PIP4P2: variants seen among roughly 807,000 people sequenced by gnomAD.
PIP4P2 encodes phosphatidylinositol-4,5-bisphosphate 4-phosphatase 2.
Under a neutral mutation model 33.3 loss-of-function variants are expected in PIP4P2, and 19 were observed. The observed-to-expected ratio is 0.57, with a 90% CI of 0.40 to 0.84. PIP4P2 has a LOEUF of 0.84. Ranked by LOEUF, PIP4P2 falls within the 40% of genes least tolerant of loss-of-function variation. PIP4P2 has a pLI of 0.00. For synonymous variants in PIP4P2, 110 were observed against 111.9 expected (o/e 0.98, Z 0.11); for missense variants, 270 against 324.7 (o/e 0.83, Z 1.29).
chr8:91,011,265 C>T (rs980444091), intron 4 of PIP4P2, among the ~76,000 whole-genome samples: 1 of 152,008 alleles, frequency 6.6e-6, no homozygotes, highest in Non-Finnish European at 1.5e-5. Flanking sequence ...CAACAACCCT[C>T]AGTCAATGTT....
At position 91,020,231 on chromosome 8, in the gene PIP4P2, A is replaced by T. The variant is rs770236242; in HGVS notation, c.288T>A (p.Tyr96Ter). ...GAAGACAATTACAAGGGCATCTAAC[A>T]TATTTCTTGCCTGTTGGGGGGTTTT... ...PIKNPPTGKK[Y>*]VRCPCNCLLI... The change falls in exon 3 of 7, where the codon TAT (tyrosine) becomes TAA (stop). Residue 96 changes from tyrosine (Y) to a stop codon, truncating the protein, a stop_gained. Transcript: ENST00000285419. LOFTEE classifies it high-confidence loss of function. The T allele has an allele frequency of 1.2e-6, 2 of 1,613,682 alleles. No individual in the cohort carries two copies. The highest frequency in any genetic ancestry group is 1.3e-5 in the African/African-American group (1 of 74,914).
intron 4 of PIP4P2, among the ~76,000 whole-genome samples, chr8:91,014,386 A>G (rs763808982): frequency 1.8e-4 from 28 of 152,206 alleles, no homozygotes; most frequent in Non-Finnish European, 3.1e-4. Context: ...ATTGTGGTAT[A>G]TGCATACAAT....
chr8:91,013,991 C>T (rs977467167), intron 4 of PIP4P2, among the ~76,000 whole-genome samples: 8 of 152,152 alleles, frequency 5.3e-5, no homozygotes, highest in Non-Finnish European at 1.2e-4. Flanking sequence ...TGGTTAAATA[C>T]AGTAAATTGA....
intron 1 of PIP4P2, among the ~76,000 whole-genome samples, chr8:91,027,320 C>T (rs1812097435): frequency 6.6e-6 from 1 of 152,232 alleles, no homozygotes; most frequent in African/African-American, 2.4e-5. Flanking sequence ...TGAACCTCCA[C>T]TGCAAGTGGA....
rs534706883 is a variant in PIP4P2 at position 91,013,006 on chromosome 8, T to C, written c.487-4211A>G. On this transcript the variant is annotated intron_variant, in intron 4 of 6. Coordinates refer to ENST00000285419, the MANE Select transcript of PIP4P2 (RefSeq NM_018710.3). The stretch of plus-strand genomic sequence containing the variant: ...TCTCCTCATTCCCTTTTCTACCCTA[T>C]TAGTACAGTCAATTCTCTCTCAAAT... Among the ~76,000 whole-genome samples, 28 of 152,284 alleles carry C rather than the reference T, an allele frequency of 1.8e-4. No individual in the cohort carries two copies. In the South Asian group the frequency reaches 5.8e-3, roughly 32 times the overall value.
rs1812255872 is a variant in PIP4P2, at chr8:91,038,094, G to A, written c.106+2550C>T. Among the ~76,000 whole-genome samples, 4 of 152,140 alleles carry A rather than the reference G, an allele frequency of 2.6e-5. No homozygotes were observed. In the South Asian group the frequency reaches 8.3e-4, roughly 31 times the overall value. Reference sequence around the variant, plus strand: ...CATGCTCCACTTAGAAACCAACATGGATTGTTACACAGACCACACATGATT... The same window carrying A: ...CATGCTCCACTTAGAAACCAACATGAATTGTTACACAGACCACACATGATT... On this transcript the variant is annotated intron_variant, in intron 1 of 6. Coordinates refer to ENST00000285419, the MANE Select transcript of PIP4P2 (RefSeq NM_018710.3).
chr8:91,012,557 A>G (rs1811853371), intron 4 of PIP4P2, among the ~76,000 whole-genome samples: 1 of 152,150 alleles, frequency 6.6e-6, no homozygotes, highest in South Asian at 2.1e-4. Context: ...AGGTGTATAC[A>G]GTGTTCCCCT....
chr8:91,018,047 T>C (rs1185683707), intron 4 of PIP4P2, among the ~76,000 whole-genome samples: 1 of 152,190 alleles, frequency 6.6e-6, no homozygotes, highest in Non-Finnish European at 1.5e-5. Flanking sequence ...CTGCATGAGA[T>C]TGTGCACTTT....
At chr8:91,008,327 A>T (rs1811788827) in intron 5 of PIP4P2, among the ~76,000 whole-genome samples, 1 of 152,220 alleles carries the variant, frequency 6.6e-6, no homozygotes, top group African/African-American at 2.4e-5. Flanking sequence ...TGCTGCTATC[A>T]GTAATAATCT....
At chr8:91,032,977 C>G (rs1214195887) in intron 1 of PIP4P2, among the ~76,000 whole-genome samples, 1 of 152,066 alleles carries the variant, frequency 6.6e-6, no homozygotes, top group Non-Finnish European at 1.5e-5. Flanking sequence ...ATCCATCTAG[C>G]TAACATTTGT....
At chr8:91,023,002 T>G (rs567577514) in intron 1 of PIP4P2, among the ~76,000 whole-genome samples, 1 of 152,246 alleles carries the variant, frequency 6.6e-6, no homozygotes, top group East Asian at 1.9e-4. Flanking sequence ...TTGAGCGTGA[T>G]CCAGAGTGAC....
chr8:91,014,995 A>G (rs1326738569), intron 4 of PIP4P2, among the ~76,000 whole-genome samples: 1 of 152,130 alleles, frequency 6.6e-6, no homozygotes, highest in East Asian at 1.9e-4. Context: ...CCCTTCCCCA[A>G]TATATTAAGA....
Position 91,018,422 on chromosome 8 carries a change from C to A in PIP4P2, c.454G>T (p.Val152Phe). ...GTGTTTCCACAGTGCCCACACACGA[C>A]CCTTGTACCTTCTGGTTGGATTGGC... ...ALPIQPEGTR[V>F]VCGHCGNTFL... is the part of the protein sequence containing the mutation. Residue 152 changes from valine to phenylalanine, a missense_variant, in exon 4 of 7, where the codon GTC (valine) becomes TTC (phenylalanine). Physicochemically the swap from Val to Phe is conservative, Grantham distance 50 (BLOSUM62 -1). Transcript: ENST00000285419. The A allele has an allele frequency of 5.0e-6, 8 of 1,614,034 alleles. No individual in the cohort carries two copies. The highest frequency in any genetic ancestry group is 5.9e-6 in the Non-Finnish European group (7 of 1,179,942).
At chr8:91,037,362 T>C (rs1025990650) in intron 1 of PIP4P2, among the ~76,000 whole-genome samples, 1 of 152,218 alleles carries the variant, frequency 6.6e-6, no homozygotes, top group Non-Finnish European at 1.5e-5. Flanking sequence ...CTGCTTTCTT[T>C]GCCTATAATG....
At chr8:91,015,560 T>C (rs1811903494) in intron 4 of PIP4P2, among the ~76,000 whole-genome samples, 1 of 152,190 alleles carries the variant, frequency 6.6e-6, no homozygotes, top group Non-Finnish European at 1.5e-5. Context: ...AGAAAGATGT[T>C]TGAAATGCTT....
At chr8:91,029,281 ACT>A (rs568492884) in intron 1 of PIP4P2, among the ~76,000 whole-genome samples, 93 of 151,858 alleles carry the variant, frequency 6.1e-4, no homozygotes, top group Non-Finnish European at 1.1e-3. Context: ...ACAGAGTGAG[ACT>A]CTGTCTCAAA....
intron 5 of PIP4P2, among the ~76,000 whole-genome samples, chr8:91,008,087 TA>T (rs1811786117): frequency 6.6e-6 from 1 of 152,206 alleles, no homozygotes; most frequent in South Asian, 2.1e-4. Context: ...TTTGCTATAA[TA>T]AATCATACCT....
intron 5 of PIP4P2, among the ~76,000 whole-genome samples, chr8:91,000,559 G>C (rs1363085548): frequency 1.3e-5 from 2 of 151,778 alleles, no homozygotes; most frequent in Non-Finnish European, 2.9e-5. Context: ...ATTTCTCTTA[G>C]TATTTTTGAT....
chr8:91,004,343 A>G (rs1346438890), intron 5 of PIP4P2, among the ~76,000 whole-genome samples: 1 of 151,330 alleles, frequency 6.6e-6, no homozygotes, highest in Non-Finnish European at 1.5e-5. Flanking sequence ...TTGGGCCCCC[A>G]GCGAATTGGA....
Sources: allele counts gnomAD v4.1 joint callset (sites outside exome capture counted in the v4.1 genomes callset), GRCh38; gene constraint gnomAD v4.1.1; transcripts MANE v1.5; gene names NCBI Gene and HGNC (gene_info 2026-07-23, HGNC 2026-07-21).